MED12L: variants seen among roughly 807,000 people sequenced by gnomAD.
The protein encoded by MED12L is mediator of RNA polymerase II transcription subunit 12-like protein.
In MED12L, 60 loss-of-function variants were observed where a neutral mutation model predicts 281.3. The ratio of observed to expected loss-of-function variants is 0.21; its 90% CI spans 0.17 to 0.26. The LOEUF (loss-of-function observed/expected upper bound fraction) is 0.26. Among genes scored for constraint, MED12L ranks in the 10% least tolerant of loss-of-function variants. The pLI is 1.00. For missense variants in MED12L, 2,146 were observed against 2,680.9 expected, an observed-to-expected ratio of 0.80 and a Z score of 4.41; for synonymous variants, 974 against 987.2, an observed-to-expected ratio of 0.99 and a Z score of 0.25.
chr3:151,388,202 C>A, intron 37 of MED12L, 30 bp downstream of exon 37: 1 of 1,561,840 alleles, frequency 6.4e-7, no homozygotes, highest in Non-Finnish European at 8.6e-7. Flanking sequence ...AGAACCTTGG[C>A]TCATTAGCAT....
intron 16 of MED12L, among the ~76,000 whole-genome samples, chr3:151,339,452 T>G (rs1403521350): frequency 1.3e-5 from 2 of 150,252 alleles, no homozygotes; most frequent in African/African-American, 4.9e-5. Flanking sequence ...AAAGCTGACC[T>G]TTTTTCTTTA....
At chr3:151,211,189 T>A (rs927126186) in intron 16 of MED12L, among the ~76,000 whole-genome samples, 2 of 152,236 alleles carry the variant, frequency 1.3e-5, no homozygotes, top group Admixed American at 6.5e-5. Flanking sequence ...CTGAAAAATA[T>A]TACTTTTGCA....
intron 5 of MED12L, among the ~76,000 whole-genome samples, chr3:151,145,962 C>T (rs1278093637): frequency 6.6e-6 from 1 of 152,236 alleles, no homozygotes; most frequent in Non-Finnish European, 1.5e-5. Flanking sequence ...AGGGTTTCCC[C>T]TACAACTTCC....
rs80122081 is a variant in MED12L at position 151,172,938 on chromosome 3, G to A, written c.1494+6956G>A. 1.5e-3 allele frequency among the ~76,000 whole-genome samples: 228 copies of A among 152,354 alleles called. 5 individuals carry two copies. The East Asian group carries it at 0.039, about 26-fold the overall frequency. The stretch of plus-strand genomic sequence containing the variant: ...TTTTTGAAATAATGTGTTAGTAAAA[G>A]TTTGGTTTCTAGTAACATAGTTGGG... On this transcript the variant is annotated intron_variant, in intron 11 of 44. Transcript: ENST00000687756.
chr3:151,222,095 G>C (rs1729476079), intron 16 of MED12L, among the ~76,000 whole-genome samples: 1 of 152,214 alleles, frequency 6.6e-6, no homozygotes, highest in Non-Finnish European at 1.5e-5. Context: ...CTGGATTTTG[G>C]ACTTGGATGG....
chr3:151,324,005 C>T (rs1308268288), intron 16 of MED12L, among the ~76,000 whole-genome samples: 1 of 151,442 alleles, frequency 6.6e-6, no homozygotes, highest in East Asian at 1.9e-4. Flanking sequence ...TTGAGGAATT[C>T]TGCTAAGTCT....
intron 11 of MED12L, among the ~76,000 whole-genome samples, chr3:151,176,088 C>T (rs1016507478): frequency 6.6e-6 from 1 of 152,002 alleles, no homozygotes; most frequent in Non-Finnish European, 1.5e-5. Flanking sequence ...CAGTGTGGAC[C>T]CCTGTCCCAC....
chr3:151,094,917 G>A (rs1158667918), intron 2 of MED12L, among the ~76,000 whole-genome samples: 1 of 152,188 alleles, frequency 6.6e-6, no homozygotes, highest in Non-Finnish European at 1.5e-5. Flanking sequence ...TTTAGGTGGT[G>A]CCTAGGCAGA....
intron 4 of MED12L, among the ~76,000 whole-genome samples, chr3:151,124,703 A>G (rs548599531): frequency 6.6e-6 from 1 of 152,314 alleles, no homozygotes; most frequent in East Asian, 1.9e-4. Context: ...ATCATGTTTC[A>G]GGACCTGGTT....
intron 16 of MED12L, among the ~76,000 whole-genome samples, chr3:151,296,987 A>G (rs1299713609): frequency 6.6e-6 from 1 of 152,166 alleles, no homozygotes; most frequent in Non-Finnish European, 1.5e-5. Context: ...AGATTCCTAA[A>G]TTGCTGCTTG....
At chr3:151,139,575 T>G (rs914722455) in intron 5 of MED12L, among the ~76,000 whole-genome samples, 1 of 152,226 alleles carries the variant, frequency 6.6e-6, no homozygotes, top group South Asian at 2.1e-4. Flanking sequence ...TTCATAGTAT[T>G]AACATGGACT....
chr3:151,412,147 C>T (rs1717009310), intron 41 of MED12L, among the ~76,000 whole-genome samples: 2 of 152,160 alleles, frequency 1.3e-5, no homozygotes, highest in African/African-American at 4.8e-5. Context: ...TCACACTAGT[C>T]ACATTTCAAG....
intron 16 of MED12L, among the ~76,000 whole-genome samples, chr3:151,320,086 G>A (rs1748815277): frequency 6.6e-6 from 1 of 152,114 alleles, no homozygotes; most frequent in Non-Finnish European, 1.5e-5. Context: ...TTTCTCCATG[G>A]CATATGACTT....
chr3:151,405,606 C>T (rs1716206202), intron 39 of MED12L, among the ~76,000 whole-genome samples: 1 of 152,138 alleles, frequency 6.6e-6, no homozygotes, highest in Admixed American at 6.5e-5. Flanking sequence ...CACTGCACTA[C>T]AGCCTTGGCA....
At chr3:151,251,663 CACTCAAT>C (rs1321211858) in intron 16 of MED12L, among the ~76,000 whole-genome samples, 2 of 152,214 alleles carry the variant, frequency 1.3e-5, no homozygotes, top group Non-Finnish European at 2.9e-5. Flanking sequence ...ATCACAGCAA[CACTCAAT>C]TGTTTGAACT....
At chr3:151,192,717 C>A in intron 15 of MED12L, 63 bp downstream of exon 15, 2 of 988,228 alleles carry the variant, frequency 2.0e-6, no homozygotes, top group Non-Finnish European at 3.1e-6. Flanking sequence ...CCCAGCCTGT[C>A]TCGATCCTTC....
At chr3:151,153,138 C>G (rs1464734855) in intron 5 of MED12L, among the ~76,000 whole-genome samples, 2 of 152,302 alleles carry the variant, frequency 1.3e-5, no homozygotes, top group South Asian at 2.1e-4. Context: ...CATCGGTGAC[C>G]AAGATCACAG....
chr3:151,408,339 A>T (rs1316206203), intron 39 of MED12L, among the ~76,000 whole-genome samples: 3 of 152,234 alleles, frequency 2.0e-5, no homozygotes, highest in African/African-American at 7.2e-5. Context: ...CCCTGCTAGA[A>T]ATACCTACAC....
chr3:151,252,035 T>C (rs1352519347), intron 16 of MED12L, among the ~76,000 whole-genome samples: 1 of 152,208 alleles, frequency 6.6e-6, no homozygotes, highest in Non-Finnish European at 1.5e-5. Context: ...CCTGTGTGTT[T>C]ATCCCTGTGG....
Sources: allele counts gnomAD v4.1 joint callset (sites outside exome capture counted in the v4.1 genomes callset), GRCh38; gene constraint gnomAD v4.1.1; transcripts MANE v1.5; gene names NCBI Gene and HGNC (gene_info 2026-07-23, HGNC 2026-07-21).